PDPN: variants seen among roughly 807,000 people sequenced by gnomAD.
The protein encoded by PDPN is PA2.26 antigen.
Under a neutral mutation model 23.2 loss-of-function variants are expected in PDPN, and 12 were observed. The observed-to-expected ratio is 0.52, with a 90% confidence interval of 0.33 to 0.84. PDPN has a LOEUF of 0.84. Among genes scored for constraint, PDPN ranks in the 40% least tolerant of loss-of-function variants. The probability of loss-of-function intolerance (pLI) is 0.02; values close to 1 mark genes in which losing one functional copy is unlikely to be tolerated. For synonymous variants in PDPN, 77 were observed against 76.7 expected (o/e 1.00, Z -0.02); for missense variants, 199 against 212.2 (o/e 0.94, Z 0.39).
In PDPN at chr1:13,614,291, CTT is replaced by C. The variant is rs1557552808; in HGVS notation, c.371-8_371-7del. On this transcript the variant is annotated splice_polypyrimidine_tract_variant and splice_region_variant and intron_variant, in intron 4 of 5. Coordinates refer to ENST00000621990, the MANE Select transcript of PDPN (RefSeq NM_006474.5). ...TGGGGCTCATGCTTTTTTTCTCTCTCTTGTTCAGATGGTTTGTCAACAGTGAC... is the reference window on the plus strand; with the variant it reads ...TGGGGCTCATGCTTTTTTTCTCTCTCGTTCAGATGGTTTGTCAACAGTGAC... 3 of 1,482,262 alleles carry C rather than the reference CTT, an allele frequency of 2.0e-6. No individual in the cohort carries two copies. In the African/African-American group the frequency reaches 4.2e-5, roughly 21 times the overall value. The allele number at this position is 1,482,262 out of a possible 1,614,324, so 91.8% of individuals were successfully genotyped here. A position where few individuals can be genotyped will look rare whatever the true frequency, so the allele number is the denominator to read the frequency against.
At chr1:13,584,309 C>A (rs1302937618) in intron 1 of PDPN, 1 of 1,505,286 alleles carries the variant, frequency 6.6e-7, no homozygotes, top group African/African-American at 1.4e-5. Context: ...CGCGGGTGTG[C>A]CGGGAGGAGC....
At position 13,616,745 on chromosome 1, in the gene PDPN, T is replaced by C. The variant is rs1247162213; in HGVS notation, c.*834T>C. 6.6e-6 allele frequency: 1 copy of C among 152,294 alleles called. No homozygotes were observed. The highest frequency in any genetic ancestry group is 1.5e-5 in the Non-Finnish European group (1 of 68,096). 9.4% of individuals were successfully genotyped at this position (152,294 alleles called of 1,614,324 possible). On this transcript the variant is annotated 3_prime_UTR_variant, in exon 6 of 6. Transcript: ENST00000621990. ...TTCCCAGTGATGCACATCCTTCACATTGGCTGCTTTGTTCTGGAATATGGA... is the reference window on the plus strand; with the variant it reads ...TTCCCAGTGATGCACATCCTTCACACTGGCTGCTTTGTTCTGGAATATGGA...
intron 1 of PDPN, chr1:13,596,072 G>C (rs1392628631): frequency 8.8e-6 from 3 of 342,734 alleles, no homozygotes; most frequent in East Asian, 7.7e-5. Context: ...GGTGGCAGGT[G>C]CCTGTAATCC....
At chr1:13,611,600 A>G (rs1412976330) in intron 3 of PDPN, among the ~76,000 whole-genome samples, 1 of 152,208 alleles carries the variant, frequency 6.6e-6, no homozygotes, top group East Asian at 1.9e-4. Context: ...GTTACTGTTT[A>G]GTGGGTAGAG....
upstream of PDPN, chr1:13,583,810 T>C: frequency 6.5e-7 from 1 of 1,545,710 alleles, no homozygotes; most frequent in Non-Finnish European, 8.7e-7. Context: ...AGATAAATGC[T>C]GACTCCGCTC....
intron 1 of PDPN, among the ~76,000 whole-genome samples, chr1:13,591,401 G>A (rs1640340168): frequency 6.6e-6 from 1 of 152,122 alleles, no homozygotes; most frequent in Admixed American, 6.5e-5. Context: ...AAACAATTCA[G>A]TGGTCTTCAG....
chr1:13,607,325 G>C lies in PDPN; in HGVS notation c.201+19G>C, dbSNP rs768275276. On this transcript the variant is annotated intron_variant, in intron 2 of 5. Transcript: ENST00000621990. ...AACTCTGGTCAGTGTCCTGGGAAGA[G>C]AGGAATTTTTTCCGTAGGCATGTGA... The C allele has an allele frequency of 3.1e-6, 5 of 1,607,456 alleles. No individual in the cohort carries two copies. The highest frequency in any genetic ancestry group is 4.3e-6 in the Non-Finnish European group (5 of 1,176,430).
intron 3 of PDPN, among the ~76,000 whole-genome samples, chr1:13,612,055 A>G (rs1054721396): frequency 6.6e-6 from 1 of 152,176 alleles, no homozygotes; most frequent in Non-Finnish European, 1.5e-5. Context: ...TTGCCTGGGA[A>G]GTAACTCATG....
Position 13,610,532 on chromosome 1 carries a change from A to G in PDPN, c.331+16A>G. ...CACTCCACGGGTAAGAAAACCAGCCACCTCCATGGGGGCTGATCTACTTTT... is the reference window on the plus strand; with the variant it reads ...CACTCCACGGGTAAGAAAACCAGCCGCCTCCATGGGGGCTGATCTACTTTT... On this transcript the variant is annotated intron_variant, in intron 3 of 5. Coordinates refer to ENST00000621990, the MANE Select transcript of PDPN (RefSeq NM_006474.5). The G allele has an allele frequency of 6.2e-7, 1 of 1,610,480 alleles. No homozygotes were observed. Among genetic ancestry groups the G allele is most frequent in the Non-Finnish European group, 8.5e-7 (1 of 1,178,326 alleles).
intron 1 of PDPN, chr1:13,584,418 C>CG: frequency 9.8e-7 from 1 of 1,015,834 alleles, no homozygotes; most frequent in Non-Finnish European, 1.4e-6. Context: ...TAGGCAGCCC[C>CG]GCTTGCTGGC....
At chr1:13,614,277 C>A in intron 4 of PDPN, 23 bp from the exon 5 acceptor site, 2 of 1,330,390 alleles carry the variant, frequency 1.5e-6, no homozygotes, top group Non-Finnish European at 2.2e-6. Context: ...GGGGCTCATG[C>A]TTTTTTTCTC....
At position 13,617,544 on chromosome 1, in the gene PDPN, T is replaced by A. The variant is rs1641106985; in HGVS notation, c.*1633T>A. On this transcript the variant is annotated 3_prime_UTR_variant, in exon 6 of 6. Transcript: ENST00000621990. ...CCTACCACCACACCCGGCCAATTTT[T>A]GTATTTTTAGTAGAGATGGGGTTTC... The A allele has an allele frequency of 1.3e-5, 2 of 152,202 alleles. No homozygotes were observed. The highest frequency in any genetic ancestry group is 4.8e-5 in the African/African-American group (2 of 41,432). The allele number at this position is 152,202 out of a possible 1,614,324, so 9.4% of individuals were successfully genotyped here. A position where few individuals can be genotyped will look rare whatever the true frequency, so the allele number is the denominator to read the frequency against.
chr1:13,588,292 A>G, intron 1 of PDPN, among the ~76,000 whole-genome samples: 1 of 152,152 alleles, frequency 6.6e-6, no homozygotes, highest in East Asian at 1.9e-4. Context: ...GCATGTACAA[A>G]TGCCAGATAC....
rs551687278 is a variant in PDPN, at chr1:13,596,685, C to G, written c.68-10488C>G. On this transcript the variant is annotated intron_variant, in intron 1 of 5. Transcript: ENST00000621990. ...CAGAGTGGTGTGGCTGTAAGCAAAA[C>G]ATCGATATTCCAAAGGAAGCCTTCA... 2.0e-5 allele frequency among the ~76,000 whole-genome samples: 3 copies of G among 152,272 alleles called. No homozygotes were observed. In the South Asian group the frequency reaches 6.2e-4, roughly 32 times the overall value.
intron 5 of PDPN, chr1:13,614,836 T>C: frequency 1.9e-6 from 1 of 517,730 alleles, no homozygotes; most frequent in Non-Finnish European, 3.9e-6. Context: ...ACATCTGAAG[T>C]TTCCCCAGAA....
intron 1 of PDPN, among the ~76,000 whole-genome samples, chr1:13,606,497 A>G (rs1169137660): frequency 6.6e-6 from 1 of 152,036 alleles, no homozygotes; most frequent in African/African-American, 2.4e-5. Context: ...AAATGGAGAG[A>G]GAGTTTGCTT....
At position 13,614,309 on chromosome 1, in the gene PDPN, C is replaced by T. The variant is rs756016330; in HGVS notation, c.380C>T (p.Ser127Leu). The T allele has an allele frequency of 6.3e-7, 1 of 1,580,542 alleles. No homozygotes were observed. Among genetic ancestry groups the T allele is most frequent in the South Asian group, 1.1e-5 (1 of 90,212 alleles). The change falls in exon 5 of 6, where the codon TCA becomes TTA. Residue 127 changes from serine (S) to leucine (L), a missense_variant. By Grantham distance (145) the Ser-to-Leu change is moderately radical (BLOSUM62 -2). Transcript: ENST00000621990. ...TCTCTCTCTTGTTCAGATGGTTTGT[C>T]AACAGTGACCCTGGTTGGAATCATA... ...TQTTVEKDGL[S>L]TVTLVGIIVG...
rs538041242 is a variant in PDPN at position 13,595,841 on chromosome 1, C to G, written c.68-11332C>G. ...TTTCATTACAGGGGAAGGCGTTTAA[C>G]AACTCGGGGGTGAAGCCTGGTGGAC... is the stretch of plus-strand genomic sequence containing the variant. On this transcript the variant is annotated intron_variant, in intron 1 of 5. Transcript: ENST00000621990. The G allele has an allele frequency of 3.1e-6, 4 of 1,285,026 alleles. No homozygotes were observed. The African/African-American group carries it at 4.6e-5, about 15-fold the overall frequency. 79.6% of individuals were successfully genotyped at this position (1,285,026 alleles called of 1,614,324 possible). A position where few individuals can be genotyped will look rare whatever the true frequency, so the allele number is the denominator to read the frequency against.
At chr1:13,591,138 C>T (rs1215083816) in intron 1 of PDPN, among the ~76,000 whole-genome samples, 1 of 152,050 alleles carries the variant, frequency 6.6e-6, no homozygotes, top group Admixed American at 6.5e-5. Flanking sequence ...GACGGGGTTT[C>T]ATCATGTTGG....
Sources: gnomAD v4.1 joint callset for allele counts (sites outside exome capture counted in the v4.1 genomes callset) on GRCh38, gnomAD v4.1.1 for gene constraint, MANE v1.5 for transcripts, NCBI Gene and HGNC (gene_info 2026-07-23, HGNC 2026-07-21) for gene names.